CPQ: variants seen among roughly 807,000 people sequenced by gnomAD.
CPQ encodes the protein carboxypeptidase Q.
A neutral mutation model predicts 45.7 loss-of-function variants in CPQ; 37 were observed. That is an observed-to-expected ratio of 0.81 (90% CI 0.62 to 1.07). The LOEUF (loss-of-function observed/expected upper bound fraction) is 1.07, where lower values mean the gene tolerates loss of function less well. CPQ is among the 50% of genes least tolerant of loss of function. The pLI is 0.00. For missense variants in CPQ, 537 were observed against 572.9 expected (o/e 0.94, Z 0.64); for synonymous variants, 186 against 205.8 (o/e 0.90, Z 0.82).
intron 1 of CPQ, among the ~76,000 whole-genome samples, chr8:96,697,392 A>G (rs771124625): frequency 6.6e-6 from 1 of 152,200 alleles, no homozygotes; most frequent in Non-Finnish European, 1.5e-5. Flanking sequence ...AAAGCCATAT[A>G]TGACAGATCT....
rs200496956 is a variant in CPQ at position 97,090,499 on chromosome 8, A to G, written c.1255+24289A>G. ...CCCCATAACTTTCTACTTTACCTTTAACCTGTGCTAATTCATTTCTATAAA... is the reference window on the plus strand; with the variant it reads ...CCCCATAACTTTCTACTTTACCTTTGACCTGTGCTAATTCATTTCTATAAA... On this transcript the variant is annotated intron_variant, in intron 7 of 7. Coordinates refer to ENST00000220763, the MANE Select transcript of CPQ (RefSeq NM_016134.4). Among the ~76,000 whole-genome samples, 7 of 152,112 alleles carry G rather than the reference A, an allele frequency of 4.6e-5. No homozygotes were observed. The East Asian group carries it at 1.3e-3, about 29-fold the overall frequency.
intron 7 of CPQ, among the ~76,000 whole-genome samples, chr8:97,104,186 T>G (rs1362407459): frequency 6.6e-6 from 1 of 152,184 alleles, no homozygotes; most frequent in East Asian, 1.9e-4. Context: ...TGGTTTCTGC[T>G]TATGAAATTA....
At chr8:96,886,637 A>G (rs1812310526) in intron 4 of CPQ, among the ~76,000 whole-genome samples, 1 of 152,228 alleles carries the variant, frequency 6.6e-6, no homozygotes, top group Non-Finnish European at 1.5e-5. Flanking sequence ...GTCCAAGGGG[A>G]CACAGCAAAT....
At chr8:96,904,279 G>A (rs1416070527) in intron 4 of CPQ, among the ~76,000 whole-genome samples, 1 of 152,158 alleles carries the variant, frequency 6.6e-6, no homozygotes, top group Non-Finnish European at 1.5e-5. Flanking sequence ...ATAGGGCCAC[G>A]TTTGCCGCTG....
At chr8:96,728,457 CA>C (rs1294639768) in intron 1 of CPQ, among the ~76,000 whole-genome samples, 2 of 152,092 alleles carry the variant, frequency 1.3e-5, no homozygotes, top group African/African-American at 4.8e-5. Context: ...TGAACTAAAA[CA>C]GCAGTTTTTT....
At chr8:97,063,088 A>T (rs896139645) in intron 6 of CPQ, among the ~76,000 whole-genome samples, 2 of 151,858 alleles carry the variant, frequency 1.3e-5, no homozygotes, top group Non-Finnish European at 2.9e-5. Context: ...ACTAATTTAC[A>T]CTCCCATCAA....
intron 3 of CPQ, among the ~76,000 whole-genome samples, chr8:96,868,488 A>G (rs1047836673): frequency 3.9e-5 from 6 of 152,020 alleles, no homozygotes; most frequent in African/African-American, 1.4e-4. Flanking sequence ...TCAATAACTC[A>G]TATCATATAC....
chr8:96,836,677 C>T (rs1371492687), intron 3 of CPQ, among the ~76,000 whole-genome samples: 1 of 152,120 alleles, frequency 6.6e-6, no homozygotes, highest in African/African-American at 2.4e-5. Context: ...TGGAGCTGGT[C>T]TGTTGCTTTG....
chr8:97,131,383 C>A (rs1259761975), intron 7 of CPQ, among the ~76,000 whole-genome samples: 1 of 152,190 alleles, frequency 6.6e-6, no homozygotes, highest in Non-Finnish European at 1.5e-5. Context: ...TCACATGACA[C>A]CGTCTTCATT....
intron 5 of CPQ, among the ~76,000 whole-genome samples, chr8:97,013,698 G>C (rs1809530511): frequency 6.6e-6 from 1 of 152,174 alleles, no homozygotes; most frequent in African/African-American, 2.4e-5. Context: ...AATTTACATG[G>C]AAATGAGGCT....
At chr8:97,083,323 T>C (rs1440469852) in intron 7 of CPQ, among the ~76,000 whole-genome samples, 11 of 152,180 alleles carry the variant, frequency 7.2e-5, no homozygotes, top group Non-Finnish European at 1.5e-4. Flanking sequence ...TGACTGGGCA[T>C]GTACTCGACT....
At chr8:97,101,228 A>C (rs1016904499) in intron 7 of CPQ, among the ~76,000 whole-genome samples, 1 of 152,118 alleles carries the variant, frequency 6.6e-6, no homozygotes, top group African/African-American at 2.4e-5. Flanking sequence ...TAAAAGATAA[A>C]GTACGATTTG....
At chr8:96,708,471 G>A (rs1353347189) in intron 1 of CPQ, among the ~76,000 whole-genome samples, 1 of 150,834 alleles carries the variant, frequency 6.6e-6, no homozygotes, top group African/African-American at 2.4e-5. Context: ...ATTGTTTGTT[G>A]GGCCTATACC....
At chr8:96,717,929 G>A (rs1809706096) in intron 1 of CPQ, among the ~76,000 whole-genome samples, 1 of 152,142 alleles carries the variant, frequency 6.6e-6, no homozygotes, top group Admixed American at 6.5e-5. Flanking sequence ...GCCCTACTTA[G>A]CTCCTATGCA....
At chr8:96,974,663 C>A (rs1189676011) in intron 5 of CPQ, among the ~76,000 whole-genome samples, 1 of 152,032 alleles carries the variant, frequency 6.6e-6, no homozygotes, top group African/African-American at 2.4e-5. Context: ...ATATCTAGTA[C>A]TTTCTCAGAC....
At chr8:97,055,565 G>C (rs1810440018) in intron 6 of CPQ, 1 of 152,280 alleles carries the variant, frequency 6.6e-6, no homozygotes, top group Non-Finnish European at 1.5e-5. Context: ...GAGACAGGAT[G>C]CTACTGCAGT....
At chr8:96,933,050 T>C (rs565663748) in intron 4 of CPQ, among the ~76,000 whole-genome samples, 2 of 152,296 alleles carry the variant, frequency 1.3e-5, no homozygotes, top group South Asian at 4.1e-4. Context: ...TGTCAACTCT[T>C]TCAGATGGTA....
intron 5 of CPQ, among the ~76,000 whole-genome samples, chr8:97,024,948 G>A (rs559485098): frequency 6.6e-6 from 1 of 152,302 alleles, no homozygotes; most frequent in African/African-American, 2.4e-5. Flanking sequence ...TCACAGAAGG[G>A]AGAATGATAC....
At chr8:97,043,225 C>T (rs1359648327) in intron 6 of CPQ, among the ~76,000 whole-genome samples, 3 of 152,014 alleles carry the variant, frequency 2.0e-5, no homozygotes, top group African/African-American at 7.2e-5. Flanking sequence ...GAATTGATCC[C>T]TTTACCATTA....
Sources: allele counts gnomAD v4.1 joint callset (sites outside exome capture counted in the v4.1 genomes callset), GRCh38; gene constraint gnomAD v4.1.1; transcripts MANE v1.5; gene names NCBI Gene and HGNC (gene_info 2026-07-23, HGNC 2026-07-21).